The following USP34 variants were observed in gnomAD, a reference collection of about 807,000 sequenced individuals.
USP34 encodes the protein ubiquitin carboxyl-terminal hydrolase 34.
USP34 carries 70 observed loss-of-function variants against 460.3 expected under a neutral mutation model. That is an observed-to-expected ratio of 0.15 (90% confidence interval 0.13 to 0.19). The LOEUF (loss-of-function observed/expected upper bound fraction) is 0.19, where lower values mean the gene tolerates loss of function less well. Among genes scored for constraint, USP34 ranks in the 10% least tolerant of loss-of-function variants. The pLI, the probability that USP34 is intolerant of heterozygous loss-of-function variation, is 1.00. For synonymous variants in USP34, 1,647 were observed against 1,405.3 expected, an observed-to-expected ratio of 1.17 and a Z score of -3.85; for missense variants, 3,985 against 4,236.2, an observed-to-expected ratio of 0.94 and a Z score of 1.65.
intron 10 of USP34, among the ~76,000 whole-genome samples, chr2:61,359,449 T>C (rs1332219718): frequency 6.6e-6 from 1 of 152,042 alleles, no homozygotes; most frequent in Non-Finnish European, 1.5e-5. Flanking sequence ...TCAAAACACA[T>C]CAAATACTTA....
chr2:61,452,886 T>C (rs868313411), intron 1 of USP34, among the ~76,000 whole-genome samples: 9 of 127,336 alleles, frequency 7.1e-5, no homozygotes, highest in Middle Eastern at 4.4e-3. Context: ...CAAGACACTA[T>C]GATGACCCAC....
In USP34 at chr2:61,220,528, A is replaced by T. The variant is rs969087249; in HGVS notation, c.7900-71T>A. On this transcript the variant is annotated intron_variant, in intron 66 of 79. Coordinates refer to ENST00000398571, the MANE Select transcript of USP34 (RefSeq NM_014709.4). ...GCAATTACTTTTACTTACTTTTTGT[A>T]TATGCTATTAGACACAAAGCTAAAG... 14 of 1,401,718 alleles carry T rather than the reference A, an allele frequency of 1.0e-5. No homozygotes were observed. The East Asian group carries it at 3.5e-4, about 35-fold the overall frequency. The allele number at this position is 1,401,718 out of a possible 1,614,324, so 86.8% of individuals were successfully genotyped here.
chr2:61,426,854 G>A (rs1694526578), intron 1 of USP34, among the ~76,000 whole-genome samples: 1 of 152,212 alleles, frequency 6.6e-6, no homozygotes, highest in South Asian at 2.1e-4. Flanking sequence ...AGGTGGCTCA[G>A]GACAGCGAGA....
At chr2:61,191,942 T>G (rs1686656280) in intron 76 of USP34, among the ~76,000 whole-genome samples, 1 of 152,236 alleles carries the variant, frequency 6.6e-6, no homozygotes, top group Admixed American at 6.5e-5. Context: ...TACTAGCCTC[T>G]GAAAGATTTC....
chr2:61,319,197 G>C lies in USP34; in HGVS notation c.3144C>G (p.Thr1048=). 1 of 1,563,462 alleles carries C rather than the reference G, an allele frequency of 6.4e-7. No individual in the cohort carries two copies. The highest frequency in any genetic ancestry group is 8.6e-7 in the Non-Finnish European group (1 of 1,163,704). ...SKDQHAMGME[T]YKHLFLEKMP... Reference sequence around the variant, plus strand: ...CCTTCTCCAGGAAAAGATGTTTGTAGGTTTCCATACCCATAGCATGTTGAT... The same window carrying C: ...CCTTCTCCAGGAAAAGATGTTTGTACGTTTCCATACCCATAGCATGTTGAT... The change falls in exon 22 of 80, where the codon ACC becomes ACG. Residue 1048 remains threonine (T), a synonymous_variant. Transcript: ENST00000398571.
chr2:61,381,534 C>T (rs1242263263), intron 6 of USP34, among the ~76,000 whole-genome samples: 1 of 152,094 alleles, frequency 6.6e-6, no homozygotes, highest in Non-Finnish European at 1.5e-5. Flanking sequence ...TGGAGTCTCG[C>T]TATGTTGCCC....
intron 27 of USP34, 92 bp from the exon 28 acceptor site, chr2:61,301,546 G>C: frequency 9.4e-7 from 1 of 1,065,204 alleles, no homozygotes; most frequent in East Asian, 2.4e-5. Flanking sequence ...TAAACACACT[G>C]TATGTTAAGT....
In USP34 at chr2:61,292,380, T is replaced by C. The variant is rs1325242943; in HGVS notation, c.4548+1084A>G. Among the ~76,000 whole-genome samples, 6 of 152,312 alleles carry C rather than the reference T, an allele frequency of 3.9e-5. No homozygotes were observed. The South Asian group carries it at 8.3e-4, about 21-fold the overall frequency. On this transcript the variant is annotated intron_variant, in intron 33 of 79. Transcript: ENST00000398571. ...TAGACATGCTTTGCATCTTGGGCAT[T>C]ATAAAGCTACAATAAGCCACATATT...
chr2:61,289,345 A>G (rs1186273493), intron 33 of USP34, among the ~76,000 whole-genome samples: 1 of 152,176 alleles, frequency 6.6e-6, no homozygotes, highest in Non-Finnish European at 1.5e-5. Context: ...ATTCTAGAAA[A>G]TAATTCAACT....
chr2:61,284,941 A>G lies in USP34; in HGVS notation c.4766T>C (p.Val1589Ala), dbSNP rs200187498. 13 of 1,610,104 alleles carry G rather than the reference A, an allele frequency of 8.1e-6. No homozygotes were observed. The highest frequency in any genetic ancestry group is 1.7e-5 in the Admixed American group (1 of 59,692). ...TCGCTGAATCAAACTGGTTCCTTGG[A>G]CAAGAACAAGAAATACCTTTAAAAC... is the stretch of plus-strand genomic sequence containing the variant. ...PRLTEVFLVL[V>A]QGTSLIQRLM... The change falls in exon 35 of 80, where the codon GTC becomes GCC. Residue 1589 changes from valine (V) to alanine (A), a missense_variant. By Grantham distance (64) the Val-to-Ala change is moderately conservative. Transcript: ENST00000398571.
At chr2:61,217,879 C>T (rs550576492) in intron 67 of USP34, among the ~76,000 whole-genome samples, 4 of 152,156 alleles carry the variant, frequency 2.6e-5, no homozygotes, top group South Asian at 4.1e-4. Flanking sequence ...TGCTTGAACC[C>T]GGGAGGCGGA....
In USP34 at chr2:61,315,003, A is replaced by G. The variant is rs1159332889; in HGVS notation, c.3283-29T>C. On this transcript the variant is annotated intron_variant, in intron 23 of 79. Transcript: ENST00000398571. ...AGAAAGAAAAATATGGTATCTCTAAATTTTGTTTGTCAAACTATGTAACTC... is the reference window on the plus strand; with the variant it reads ...AGAAAGAAAAATATGGTATCTCTAAGTTTTGTTTGTCAAACTATGTAACTC... 1.9e-6 allele frequency: 3 copies of G among 1,583,050 alleles called. No individual in the cohort carries two copies. In the South Asian group the frequency reaches 3.5e-5, roughly 18 times the overall value.
intron 48 of USP34, among the ~76,000 whole-genome samples, chr2:61,251,282 T>A (rs1187909402): frequency 6.6e-6 from 1 of 152,242 alleles, no homozygotes; most frequent in East Asian, 1.9e-4. Flanking sequence ...AAATTATCTA[T>A]AACTTAATTC....
In USP34 at chr2:61,221,529, T is replaced by C; in HGVS notation, c.7872A>G (p.Ala2624=). The part of the protein sequence containing the change: ...AGGPPGMPPF[A]SYILQRIWEV... ...CCCATATCCTCTGCAGAATATAAGA[T>C]GCAAAGGGAGGCATTCCTGGAGGTC... Residue 2624 remains alanine, a synonymous_variant, in exon 66 of 80, where the codon GCA becomes GCG. Coordinates refer to ENST00000398571, the MANE Select transcript of USP34 (RefSeq NM_014709.4). 2 of 1,614,016 alleles carry C rather than the reference T, an allele frequency of 1.2e-6. No individual in the cohort carries two copies. The highest frequency in any genetic ancestry group is 1.7e-6 in the Non-Finnish European group (2 of 1,179,934).
At chr2:61,190,482 A>G (rs777591) in intron 77 of USP34, 36 bp downstream of exon 77, 1,001,579 of 1,603,992 alleles carry the variant, frequency 0.62, 313,837 homozygotes, top group Middle Eastern at 0.72. Context: ...TTAACTAATT[A>G]GAAATGACAC....
intron 27 of USP34, among the ~76,000 whole-genome samples, chr2:61,307,927 T>C (rs899820882): frequency 2.7e-4 from 41 of 152,014 alleles, no homozygotes; most frequent in Admixed American, 5.2e-4. Flanking sequence ...CCGGCACCTG[T>C]AGTCCCAGCT....
At chr2:61,239,299 G>GTCACTC (rs199638788) in intron 53 of USP34, among the ~76,000 whole-genome samples, 2 of 69,136 alleles carry the variant, frequency 2.9e-5, no homozygotes, top group East Asian at 5.6e-4. Flanking sequence ...TGAGGGCCCT[G>GTCACTC]TCACACACAC....
chr2:61,408,163 C>T (rs1693936323), intron 2 of USP34, among the ~76,000 whole-genome samples: 1 of 152,042 alleles, frequency 6.6e-6, no homozygotes. Flanking sequence ...AACTTGGTCA[C>T]TATCTAAAGC....
At chr2:61,387,887 A>G (rs1215086739) in intron 5 of USP34, among the ~76,000 whole-genome samples, 2 of 150,164 alleles carry the variant, frequency 1.3e-5, no homozygotes, top group South Asian at 2.1e-4. Flanking sequence ...GCATATGTAA[A>G]AATATATTTT....
Sources: gnomAD v4.1 joint callset for allele counts (sites outside exome capture counted in the v4.1 genomes callset) on GRCh38, gnomAD v4.1.1 for gene constraint, MANE v1.5 for transcripts, NCBI Gene and HGNC (gene_info 2026-07-23, HGNC 2026-07-21) for gene names.